EIF4G1: variants seen among roughly 807,000 people sequenced by gnomAD.
EIF4G1 encodes the protein eukaryotic translation initiation factor 4 gamma 1.
Under a neutral mutation model 187.8 loss-of-function variants are expected in EIF4G1, and 4 were observed. The observed-to-expected ratio is 0.02, with a 90% CI of 0.01 to 0.05. EIF4G1 has a LOEUF of 0.05. EIF4G1 is among the 10% of genes least tolerant of loss of function. The pLI is 1.00. For synonymous variants in EIF4G1, 844 were observed against 781.4 expected (o/e 1.08, Z -1.34); for missense variants, 1,647 against 2,081.1 (o/e 0.79, Z 4.06).
chr3:184,321,130 T>C (rs1723831422), intron 9 of EIF4G1, 137 bp downstream of exon 9: 1 of 1,484,656 alleles, frequency 6.7e-7, no homozygotes, highest in South Asian at 1.2e-5. Context: ...TGAGGGTGAA[T>C]TGGGTTTTGG....
At chr3:184,321,216 A>T (rs1289737508) in intron 9 of EIF4G1, 66 bp from the exon 10 acceptor site, 3 of 1,600,318 alleles carry the variant, frequency 1.9e-6, no homozygotes, top group African/African-American at 2.7e-5. Context: ...GGGCTGGAGG[A>T]TGGGGAGGAA....
chr3:184,328,811 G>A, intron 27 of EIF4G1, 55 bp downstream of exon 27: 2 of 1,614,184 alleles, frequency 1.2e-6, no homozygotes, highest in East Asian at 2.2e-5. Context: ...AAAGGTGGTA[G>A]GGAAATGGCT....
intron 32 of EIF4G1, among the ~76,000 whole-genome samples, chr3:184,333,824 G>A (rs533985669): frequency 6.6e-6 from 1 of 152,310 alleles, no homozygotes; most frequent in South Asian, 2.1e-4. Context: ...AAAATACAGG[G>A]CAGAGTGCAT....
chr3:184,321,811 G>A lies in EIF4G1; in HGVS notation c.1227G>A (p.Ser409=), dbSNP rs1449735993. ...QPEELLNGAP[S]PPAVDLSPVS... is the part of the protein sequence containing the mutation. ...AGGAACTGCTCAACGGAGCCCCCTC[G>A]CCACCAGCTGTGGACTTAAGCCCAG... is the stretch of plus-strand genomic sequence containing the variant. Residue 409 remains serine (S), a synonymous_variant, in exon 10 of 33, where the codon TCG becomes TCA. Transcript: ENST00000346169. 2.5e-6 allele frequency: 4 copies of A among 1,613,836 alleles called. No individual in the cohort carries two copies. The highest frequency in any genetic ancestry group is 3.4e-6 in the Non-Finnish European group (4 of 1,179,848).
At chr3:184,328,184 G>T (rs985365129) in intron 26 of EIF4G1, 182 bp downstream of exon 26, 3 of 685,654 alleles carry the variant, frequency 4.4e-6, no homozygotes, top group Admixed American at 2.2e-5. Flanking sequence ...ATCACGTGAG[G>T]TTGGGAGTTC....
intron 1 of EIF4G1, 35 bp downstream of exon 1, chr3:184,314,709 C>T (rs1484295418): frequency 6.7e-6 from 1 of 148,318 alleles, no homozygotes; most frequent in African/African-American, 2.5e-5. Context: ...ACCCGGCCCC[C>T]CCACCCCCTC....
In EIF4G1 at chr3:184,333,656, G is replaced by A. The variant is rs539609371; in HGVS notation, c.4619-1071G>A. 3.3e-5 allele frequency among the ~76,000 whole-genome samples: 5 copies of A among 152,314 alleles called. No homozygotes were observed. In the East Asian group the frequency reaches 9.6e-4, roughly 29 times the overall value. ...CACCCTGGCAAAAACAGTATTTAGT[G>A]GGGCAGGGGACAGATTCTGGATTGG... On this transcript the variant is annotated intron_variant, in intron 32 of 32. Transcript: ENST00000346169.
In EIF4G1 at chr3:184,328,890, G is replaced by C. The variant is rs200922382; in HGVS notation, c.4080-19G>C. 4.3e-6 allele frequency: 7 copies of C among 1,614,142 alleles called. No individual in the cohort carries two copies. The highest frequency in any genetic ancestry group is 5.9e-6 in the Non-Finnish European group (7 of 1,180,022). ...AGAACTGTGGAGGCTGTCAGCATTA[G>C]GTTTTTCTCTTCTTGTAGGGAGATT... is the stretch of plus-strand genomic sequence containing the variant. On this transcript the variant is annotated intron_variant, in intron 27 of 32. Transcript: ENST00000346169.
At position 184,320,761 on chromosome 3, in the gene EIF4G1, T is replaced by C. The variant is rs769685914; in HGVS notation, c.630+39T>C. The C allele has an allele frequency of 4.3e-6, 7 of 1,613,738 alleles. No individual in the cohort carries two copies. The East Asian group carries it at 6.7e-5, about 15-fold the overall frequency. On this transcript the variant is annotated intron_variant, in intron 8 of 32. Transcript: ENST00000346169. ...TTCGAGTGATACCCTGGCTGGGATGTCTGTTCTGCCCTGGACTCCCAAGTC... is the reference window on the plus strand; with the variant it reads ...TTCGAGTGATACCCTGGCTGGGATGCCTGTTCTGCCCTGGACTCCCAAGTC...
At chr3:184,331,426 C>T (rs369056059) in intron 29 of EIF4G1, 46 bp from the exon 30 acceptor site, 1 of 1,614,176 alleles carries the variant, frequency 6.2e-7, no homozygotes. Context: ...TTTCTTGTCT[C>T]CTGTTGGCAA....
chr3:184,315,752 T>G lies in EIF4G1; in HGVS notation c.-34-11T>G. On this transcript the variant is annotated splice_polypyrimidine_tract_variant and intron_variant, in intron 2 of 32. Coordinates refer to ENST00000346169, the MANE Select transcript of EIF4G1 (RefSeq NM_198241.3). ...CCCTTCCTCTTCCTGAGCGCCACTC[T>G]TTCCCAACAGGTGCTGGGGGGACCC... 8 of 1,548,546 alleles carry G rather than the reference T, an allele frequency of 5.2e-6. No homozygotes were observed. Among genetic ancestry groups the G allele is most frequent in the Non-Finnish European group, 7.0e-6 (8 of 1,144,200 alleles).
Position 184,325,140 on chromosome 3 carries a change from G to C in EIF4G1, c.2856+26G>C. On this transcript the variant is annotated intron_variant, in intron 18 of 32. Transcript: ENST00000346169. The surrounding 1 kb of genome is among the most constrained non-coding windows in gnomAD (Gnocchi z 5.2). ...GTAGAGGTCCTTGCATCTGGAGGGG[G>C]ATGGGCTGAAGCATATGTGGGGCTC... 6.2e-7 allele frequency: 1 copy of C among 1,612,004 alleles called. No individual in the cohort carries two copies. The highest frequency in any genetic ancestry group is 8.5e-7 in the Non-Finnish European group (1 of 1,178,158).
At chr3:184,317,244 A>G in intron 4 of EIF4G1, 77 bp from the exon 5 acceptor site, 2 of 1,513,570 alleles carry the variant, frequency 1.3e-6, no homozygotes, top group East Asian at 2.3e-5. Context: ...TCCAGGCTAT[A>G]GAGACATTGT....
intron 17 of EIF4G1, among the ~76,000 whole-genome samples, 177 bp from the exon 18 acceptor site, chr3:184,324,699 AAG>A (rs1724538571): frequency 6.6e-6 from 1 of 152,194 alleles, no homozygotes; most frequent in African/African-American, 2.4e-5. Flanking sequence ...TCCTGACCTC[AAG>A]TGATCCGCCT....
In EIF4G1 at chr3:184,321,452, A is replaced by G. The variant is rs974387728; in HGVS notation, c.868A>G (p.Met290Val). The change falls in exon 10 of 33, where the codon ATG becomes GTG. Residue 290 changes from methionine (M) to valine (V), a missense_variant. Physicochemically the swap from Met to Val is conservative, Grantham distance 21 (BLOSUM62 1). Coordinates refer to ENST00000346169, the MANE Select transcript of EIF4G1 (RefSeq NM_198241.3). ...LAVLSIPGDT[M>V]TTIQMSVEES... ...AGTCCTCTCTATTCCTGGGGACACT[A>G]TGACAACTATACAAATGTCTGTAGA... 1 of 1,613,984 alleles carries G rather than the reference A, an allele frequency of 6.2e-7. No individual in the cohort carries two copies. Among genetic ancestry groups the G allele is most frequent in the Non-Finnish European group, 8.5e-7 (1 of 1,180,038 alleles).
Position 184,327,332 on chromosome 3 carries a change from C to T in EIF4G1, c.3545C>T (p.Thr1182Ile). The T allele has an allele frequency of 3.1e-6, 5 of 1,613,816 alleles. No individual in the cohort carries two copies. The highest frequency in any genetic ancestry group is 4.2e-6 in the Non-Finnish European group (5 of 1,180,044). ...DRLDRARTPA[T>I]KRSFSKEVEE... ...CTTGATCGTGCGCGGACACCTGCTA[C>T]CAAGCGGAGCTTCAGCAAGGAAGTG... The change falls in exon 24 of 33, where the codon ACC (threonine) becomes ATC (isoleucine). Residue 1182 changes from threonine (T) to isoleucine (I), a missense_variant. This residue lies in a region of EIF4G1 where 543 missense variants were observed against 638.0 expected (regional missense o/e 0.85). Transcript: ENST00000346169.
At chr3:184,324,107 C>A in intron 16 of EIF4G1, 94 bp from the exon 17 acceptor site, 1 of 1,605,244 alleles carries the variant, frequency 6.2e-7, no homozygotes, top group South Asian at 1.1e-5. Flanking sequence ...AGAGCTGGGG[C>A]CAGAGATCTT....
At chr3:184,319,393 G>A (rs1270190634) in intron 6 of EIF4G1, 8 of 462,900 alleles carry the variant, frequency 1.7e-5, no homozygotes, top group Non-Finnish European at 3.2e-5. Flanking sequence ...CTGGTCACTG[G>A]TGTGTGGTAG....
rs142064428 is a variant in EIF4G1 at position 184,328,932 on chromosome 3, C to T, written c.4103C>T (p.Pro1368Leu). Residue 1368 changes from proline (P) to leucine (L), a missense_variant, in exon 28 of 33, where the codon CCG becomes CTG. By Grantham distance (98) the Pro-to-Leu change is moderately conservative. Coordinates refer to ENST00000346169, the MANE Select transcript of EIF4G1 (RefSeq NM_198241.3). ...LFREITKPLR[P>L]LGKAASLLLE... Reference sequence around the variant, plus strand: ...AGGGAGATTACAAAGCCTCTGAGACCGTTGGGCAAAGCTGCTTCCCTGTTG... The same window carrying T: ...AGGGAGATTACAAAGCCTCTGAGACTGTTGGGCAAAGCTGCTTCCCTGTTG... The T allele has an allele frequency of 4.3e-5, 70 of 1,614,072 alleles. No individual in the cohort carries two copies. Among genetic ancestry groups the T allele is most frequent in the African/African-American group, 3.6e-4 (27 of 74,996 alleles).
Sources: gnomAD v4.1 joint callset for allele counts (sites outside exome capture counted in the v4.1 genomes callset) on GRCh38, gnomAD v4.1.1 for gene constraint, gnomAD v4.1.1 regional missense constraint, Gnocchi (gnomAD v3.1) non-coding constraint, MANE v1.5 for transcripts, NCBI Gene and HGNC (gene_info 2026-07-23, HGNC 2026-07-21) for gene names.